Variants in FYB1 observed in about 807,000 individuals in gnomAD.
FYB1 encodes the protein FYN binding protein 1.
A neutral mutation model predicts 94.1 loss-of-function variants in FYB1; 41 were observed. That is an observed-to-expected ratio of 0.44 (90% CI 0.34 to 0.57). The LOEUF (loss-of-function observed/expected upper bound fraction) is 0.57. FYB1 is among the 20% of genes least tolerant of loss of function. The pLI is 0.02. For missense variants in FYB1, 1,050 were observed against 976.8 expected (o/e 1.07, Z -1.00); for synonymous variants, 367 against 353.2 (o/e 1.04, Z -0.44).
At chr5:39,208,870 T>A (rs191354897) in intron 1 of FYB1, 2 of 152,138 alleles carry the variant, frequency 1.3e-5, no homozygotes, top group Non-Finnish European at 2.9e-5. Flanking sequence ...TTACCATCCT[T>A]GAGGCAGGAA....
chr5:39,220,340 G>A (rs1359967702), upstream of FYB1, among the ~76,000 whole-genome samples: 2 of 151,048 alleles, frequency 1.3e-5, no homozygotes, highest in African/African-American at 4.9e-5. Flanking sequence ...GAGCACAGGA[G>A]TTCAAGGCTT....
rs183843517 is a variant in FYB1, at chr5:39,162,870, C to A, written c.1136-9266G>T. Reference sequence around the variant, plus strand: ...TTTCATATTTATAAGTGAGACTGAGCATTCTTTCATATGTTTATAAGACAT... The same window carrying A: ...TTTCATATTTATAAGTGAGACTGAGAATTCTTTCATATGTTTATAAGACAT... On this transcript the variant is annotated intron_variant, in intron 2 of 18. Transcript: ENST00000512982. Among the ~76,000 whole-genome samples the A allele has an allele frequency of 3.1e-3, 474 of 152,214 alleles. 8 individuals are homozygous for A. Among genetic ancestry groups the A allele is most frequent in the Non-Finnish European group, 4.3e-3 (291 of 68,006 alleles).
chr5:39,201,953 G>T lies in FYB1; in HGVS notation c.1008C>A (p.Asp336Glu), dbSNP rs376444038. The T allele has an allele frequency of 6.2e-7, 1 of 1,613,852 alleles. No individual in the cohort carries two copies. The highest frequency in any genetic ancestry group is 1.3e-5 in the African/African-American group (1 of 74,904). The stretch of plus-strand genomic sequence containing the variant: ...TCTGTTTCGGGGTGGCTGAATTCTT[G>T]TCTCCCTTTTCCTTTTCCTGACTTT... ...WGQSQEKEKGDKNSATPKQKP... is the reference protein window; with the variant it reads ...WGQSQEKEKGEKNSATPKQKP... Residue 336 changes from aspartate (D) to glutamate (E), a missense_variant, in exon 2 of 19, where the codon GAC (aspartate) becomes GAA (glutamate). Transcript: ENST00000512982.
chr5:39,133,635 AC>A (rs1440143342), intron 9 of FYB1, among the ~76,000 whole-genome samples: 1 of 152,066 alleles, frequency 6.6e-6, no homozygotes, highest in Non-Finnish European at 1.5e-5. Context: ...GTTCCTCTAT[AC>A]CAGGAAGGTG....
intron 2 of FYB1, among the ~76,000 whole-genome samples, chr5:39,155,646 A>G (rs1743680682): frequency 6.6e-6 from 1 of 152,076 alleles, no homozygotes; most frequent in East Asian, 1.9e-4. Context: ...TATAAACAGT[A>G]CATTTTCTCC....
upstream of FYB1, among the ~76,000 whole-genome samples, chr5:39,220,789 T>A (rs1750213623): frequency 1.3e-5 from 2 of 152,334 alleles, no homozygotes; most frequent in African/African-American, 4.8e-5. Flanking sequence ...AGTAGTAGGG[T>A]CAGCAAACTA....
upstream of FYB1, among the ~76,000 whole-genome samples, chr5:39,221,140 G>A (rs1750233866): frequency 6.6e-6 from 1 of 152,064 alleles, no homozygotes; most frequent in Non-Finnish European, 1.5e-5. Context: ...TTAGTCAATG[G>A]GATCTATGCA....
chr5:39,216,082 A>G (rs2150539504), intron 1 of FYB1, among the ~76,000 whole-genome samples: 1 of 152,276 alleles, frequency 6.6e-6, no homozygotes, highest in Middle Eastern at 3.4e-3. Context: ...ATCCTCCCCT[A>G]GAGCCTCCAG....
At chr5:39,148,370 A>T (rs1383462910) in intron 3 of FYB1, among the ~76,000 whole-genome samples, 1 of 74,518 alleles carries the variant, frequency 1.3e-5, no homozygotes, top group Admixed American at 1.5e-4. Flanking sequence ...TTAGCTTTTA[A>T]TTATCAGCAG....
chr5:39,172,224 T>A (rs1745313676), intron 2 of FYB1, among the ~76,000 whole-genome samples: 1 of 152,126 alleles, frequency 6.6e-6, no homozygotes, highest in South Asian at 2.1e-4. Flanking sequence ...GGCAGGTGGA[T>A]CACTTGAGCT....
At chr5:39,126,522 C>T (rs2150298709) in intron 11 of FYB1, among the ~76,000 whole-genome samples, 1 of 151,468 alleles carries the variant, frequency 6.6e-6, no homozygotes, top group South Asian at 2.1e-4. Flanking sequence ...ATAGCAAAAC[C>T]TCATCTCTAC....
chr5:39,181,654 CT>C (rs1746246418), intron 2 of FYB1, among the ~76,000 whole-genome samples: 2 of 152,170 alleles, frequency 1.3e-5, no homozygotes, highest in Non-Finnish European at 2.9e-5. Context: ...TGGTCCTCCC[CT>C]GAATCCTGGT....
chr5:39,141,123 G>T lies in FYB1; in HGVS notation c.1311C>A (p.Asp437Glu). ...PFDLKSPVNEDNQDGVTHSDG... is the reference protein window; with the variant it reads ...PFDLKSPVNEENQDGVTHSDG... ...CAGAGTGCGTGACACCATCTTGATT[G>T]TCTTCATTGACAGGGCTTCTGAAAA... Residue 437 changes from aspartate to glutamate, a missense_variant, in exon 4 of 19, where the codon GAC becomes GAA. Transcript: ENST00000512982. 6.3e-7 allele frequency: 1 copy of T among 1,593,776 alleles called. No homozygotes were observed. The highest frequency in any genetic ancestry group is 8.6e-7 in the Non-Finnish European group (1 of 1,168,542).
At chr5:39,236,157 C>A (rs1159930408) in intron 1 of FYB1, among the ~76,000 whole-genome samples, 1 of 151,508 alleles carries the variant, frequency 6.6e-6, no homozygotes, top group Non-Finnish European at 1.5e-5. Context: ...CTTATTAAGG[C>A]TCAAACGTGG....
At chr5:39,247,458 G>A (rs1401100926) in intron 1 of FYB1, among the ~76,000 whole-genome samples, 3 of 151,902 alleles carry the variant, frequency 2.0e-5, no homozygotes, top group Non-Finnish European at 4.4e-5. Flanking sequence ...CTTATTCAAA[G>A]GTTGTTAGAC....
chr5:39,175,355 T>C (rs926883984), intron 2 of FYB1, among the ~76,000 whole-genome samples: 1 of 152,216 alleles, frequency 6.6e-6, no homozygotes, highest in Non-Finnish European at 1.5e-5. Context: ...TTGATGACTC[T>C]GATATAAGCG....
At chr5:39,144,658 C>T (rs745461689) in intron 3 of FYB1, among the ~76,000 whole-genome samples, 22 of 151,902 alleles carry the variant, frequency 1.4e-4, no homozygotes, top group Non-Finnish European at 3.1e-4. Context: ...AAAAATTAGC[C>T]GAGTGTGGTG....
intron 1 of FYB1, among the ~76,000 whole-genome samples, chr5:39,255,392 C>T (rs990490040): frequency 1.3e-5 from 2 of 151,328 alleles, no homozygotes; most frequent in African/African-American, 2.4e-5. Context: ...CATTTTGCAT[C>T]CTTGCTTTAT....
chr5:39,110,229 A>G lies in FYB1; in HGVS notation c.2435+127T>C, dbSNP rs1291005776. ...ACTAACATGTTAACGTTAGTATAGC[A>G]TATTGTTTTTAAATTTATTTATGAT... On this transcript the variant is annotated intron_variant, in intron 17 of 18. Transcript: ENST00000512982. The G allele has an allele frequency of 6.9e-6, 4 of 577,960 alleles. No individual in the cohort carries two copies. In the Admixed American group the frequency reaches 9.8e-5, roughly 14 times the overall value. The allele number at this position is 577,960 out of a possible 1,614,324, so 35.8% of individuals were successfully genotyped here.
Sources: allele counts gnomAD v4.1 joint callset (sites outside exome capture counted in the v4.1 genomes callset), GRCh38; gene constraint gnomAD v4.1.1; transcripts MANE v1.5; gene names NCBI Gene and HGNC (gene_info 2026-07-23, HGNC 2026-07-21).